MYH9: variants seen among roughly 807,000 people sequenced by gnomAD.
MYH9 encodes the protein myosin-9.
In MYH9, 29 loss-of-function variants were observed where a neutral mutation model predicts 241.9. That is an observed-to-expected ratio of 0.12 (90% CI 0.09 to 0.16). The LOEUF (loss-of-function observed/expected upper bound fraction) is 0.16, where lower values mean the gene tolerates loss of function less well. Ranked by LOEUF, MYH9 falls within the 10% of genes least tolerant of loss-of-function variation. The pLI, the probability that MYH9 is intolerant of heterozygous loss-of-function variation, is 1.00. For missense variants in MYH9, 1,803 were observed against 2,595.5 expected (o/e 0.69, Z 6.63); for synonymous variants, 1,047 against 1,062.6 (o/e 0.99, Z 0.29).
At position 36,295,209 on chromosome 22, in the gene MYH9, C is replaced by T; in HGVS notation, c.3486-133G>A. On this transcript the variant is annotated intron_variant, in intron 26 of 40. Coordinates refer to ENST00000216181, the MANE Select transcript of MYH9 (RefSeq NM_002473.6). The surrounding 1 kb of genome is among the most constrained non-coding windows in gnomAD (Gnocchi z 4.1). ...AGGCAGCTTTTCTACCCACCGGCCCCTCCTAGCCATCTATCCCATAGCCCA... is the reference window on the plus strand; with the variant it reads ...AGGCAGCTTTTCTACCCACCGGCCCTTCCTAGCCATCTATCCCATAGCCCA... 8.2e-7 allele frequency: 1 copy of T among 1,224,874 alleles called. No individual in the cohort carries two copies. Among genetic ancestry groups the T allele is most frequent in the Non-Finnish European group, 1.2e-6 (1 of 841,582 alleles). The allele number at this position is 1,224,874 out of a possible 1,614,324, so 75.9% of individuals were successfully genotyped here.
intron 1 of MYH9, among the ~76,000 whole-genome samples, chr22:36,367,730 C>G (rs2146413028): frequency 6.6e-6 from 1 of 152,332 alleles, no homozygotes; most frequent in East Asian, 1.9e-4. Context: ...GCCCAGGCCA[C>G]AGTCTGGTTT....
At chr22:36,384,060 C>T (rs1375677446) in intron 1 of MYH9, among the ~76,000 whole-genome samples, 1 of 151,128 alleles carries the variant, frequency 6.6e-6, no homozygotes, top group East Asian at 1.9e-4. Context: ...CGCTTGAGGT[C>T]AGAAGTTCCA....
At chr22:36,303,513 T>C (rs1323081480) in intron 19 of MYH9, among the ~76,000 whole-genome samples, 1 of 151,890 alleles carries the variant, frequency 6.6e-6, no homozygotes, top group Non-Finnish European at 1.5e-5. Context: ...CCAGGAGCAG[T>C]GGCTCATGCC....
At chr22:36,387,119 G>A (rs2018364841) in intron 1 of MYH9, among the ~76,000 whole-genome samples, 1 of 152,210 alleles carries the variant, frequency 6.6e-6, no homozygotes, top group Admixed American at 6.5e-5. Context: ...CCTGTCTCGC[G>A]CCCGGGTCCC....
intron 1 of MYH9, among the ~76,000 whole-genome samples, chr22:36,353,851 T>G (rs1316520701): frequency 6.6e-6 from 1 of 152,124 alleles, no homozygotes; most frequent in Non-Finnish European, 1.5e-5. Context: ...AGTTTCAGAT[T>G]TTGTATTTTC....
Position 36,320,773 on chromosome 22 carries a change from G to T in MYH9, c.868+25C>A. On this transcript the variant is annotated intron_variant, in intron 8 of 40. Coordinates refer to ENST00000216181, the MANE Select transcript of MYH9 (RefSeq NM_002473.6). The surrounding 1 kb of genome is among the most constrained non-coding windows in gnomAD (Gnocchi z 4.8). Reference sequence around the variant, plus strand: ...AGGCCCAGAGCCCGGCAGCCCCGGTGTCAGGCTGCAGGCCAACTACTCACT... The same window carrying T: ...AGGCCCAGAGCCCGGCAGCCCCGGTTTCAGGCTGCAGGCCAACTACTCACT... The T allele has an allele frequency of 6.4e-7, 1 of 1,573,202 alleles. No individual in the cohort carries two copies. The highest frequency in any genetic ancestry group is 8.7e-7 in the Non-Finnish European group (1 of 1,143,152).
chr22:36,373,581 C>G (rs888018356), intron 1 of MYH9, among the ~76,000 whole-genome samples: 1 of 152,220 alleles, frequency 6.6e-6, no homozygotes, highest in African/African-American at 2.4e-5. Context: ...CAGCCCCCAC[C>G]TCCTCAGCCC....
At chr22:36,355,736 C>T (rs1259866997) in intron 1 of MYH9, among the ~76,000 whole-genome samples, 1 of 152,130 alleles carries the variant, frequency 6.6e-6, no homozygotes, top group Non-Finnish European at 1.5e-5. Context: ...GGCACAAAAC[C>T]TAGGGTCAGA....
chr22:36,291,167 G>A (rs1304426484), intron 31 of MYH9, among the ~76,000 whole-genome samples: 5 of 152,086 alleles, frequency 3.3e-5, no homozygotes, highest in Middle Eastern at 3.4e-3. Flanking sequence ...CCACCACCCC[G>A]TCTGGGAGGT....
At chr22:36,354,141 A>C (rs1290257209) in intron 1 of MYH9, among the ~76,000 whole-genome samples, 1 of 151,998 alleles carries the variant, frequency 6.6e-6, no homozygotes, top group Non-Finnish European at 1.5e-5. Flanking sequence ...ACCTCATGTG[A>C]TCTGCCTGCC....
chr22:36,319,414 A>C (rs1349660109), intron 10 of MYH9, 126 bp downstream of exon 10: 4 of 917,166 alleles, frequency 4.4e-6, no homozygotes, highest in Non-Finnish European at 7.0e-6. Flanking sequence ...ATCTGTATAG[A>C]AAATACCGAC....
At chr22:36,378,763 A>C (rs2018210502) in intron 1 of MYH9, among the ~76,000 whole-genome samples, 1 of 152,028 alleles carries the variant, frequency 6.6e-6, no homozygotes, top group Non-Finnish European at 1.5e-5. Flanking sequence ...AGAAGAATAG[A>C]CTCTTAAGGA....
intron 1 of MYH9, among the ~76,000 whole-genome samples, chr22:36,361,262 C>T (rs376794141): frequency 6.6e-6 from 1 of 152,262 alleles, no homozygotes; most frequent in Non-Finnish European, 1.5e-5. Context: ...TGTGTTGATG[C>T]TTAGCAGATA....
chr22:36,294,008 G>C (rs1211294040), intron 28 of MYH9, 84 bp downstream of exon 28: 2 of 1,521,500 alleles, frequency 1.3e-6, no homozygotes, highest in African/African-American at 2.7e-5. Flanking sequence ...GAGAGAGACA[G>C]AGAGCACACA....
chr22:36,385,956 T>C (rs964569649), intron 1 of MYH9, among the ~76,000 whole-genome samples: 1 of 152,192 alleles, frequency 6.6e-6, no homozygotes, highest in Non-Finnish European at 1.5e-5. Flanking sequence ...CCAAGAGAAG[T>C]GGCCCCTCTC....
chr22:36,289,153 G>T lies in MYH9; in HGVS notation c.4489C>A (p.Arg1497=). 1 of 1,613,924 alleles carries T rather than the reference G, an allele frequency of 6.2e-7. No homozygotes were observed. Among genetic ancestry groups the T allele is most frequent in the East Asian group, 2.2e-5 (1 of 44,876 alleles). ...EAMEQKAELE[R]LNKQFRTEME... ...TCCGTGCGGAACTGCTTGTTGAGCC[G>T]CTCCAGCTCCGCCTTCTGCTCCATG... The change falls in exon 32 of 41, where the codon CGG becomes AGG. Residue 1497 remains arginine, a synonymous_variant. Coordinates refer to ENST00000216181, the MANE Select transcript of MYH9 (RefSeq NM_002473.6).
intron 11 of MYH9, 95 bp from the exon 12 acceptor site, chr22:36,316,764 C>T (rs1336937560): frequency 8.9e-6 from 13 of 1,468,236 alleles, no homozygotes; most frequent in South Asian, 3.5e-5. Flanking sequence ...AGAGTCCTCC[C>T]CCTAGAGGAA....
At chr22:36,348,010 A>T (rs930090226) in intron 2 of MYH9, among the ~76,000 whole-genome samples, 4 of 149,246 alleles carry the variant, frequency 2.7e-5, no homozygotes, top group Non-Finnish European at 3.0e-5. Flanking sequence ...AGATATTTTT[A>T]AAAATATCTT....
intron 34 of MYH9, chr22:36,287,049 T>A: frequency 1.4e-6 from 1 of 691,144 alleles, no homozygotes; most frequent in Non-Finnish European, 2.4e-6. Context: ...TTTGACAGTG[T>A]TCGTCACCGT....
Sources: gnomAD v4.1 joint callset for allele counts (sites outside exome capture counted in the v4.1 genomes callset) on GRCh38, gnomAD v4.1.1 for gene constraint, Gnocchi (gnomAD v3.1) non-coding constraint, MANE v1.5 for transcripts, NCBI Gene and HGNC (gene_info 2026-07-23, HGNC 2026-07-21) for gene names.